Variants in FREM1 observed in about 807,000 individuals in gnomAD.
The protein encoded by FREM1 is FRAS1-related extracellular matrix protein 1.
FREM1 carries 220 observed loss-of-function variants against 210.1 expected under a neutral mutation model. The ratio of observed to expected loss-of-function variants is 1.05; its 90% CI spans 0.94 to 1.17. FREM1 has a LOEUF of 1.17. Ranked by LOEUF, FREM1 falls within the 50% of genes most tolerant of loss-of-function variation. The pLI, the probability that FREM1 is intolerant of heterozygous loss-of-function variation, is 0.00. For missense variants in FREM1, 3,454 were observed against 2,675.5 expected (o/e 1.29, Z -6.42); for synonymous variants, 1,189 against 980.2 (o/e 1.21, Z -3.98).
chr9:14,763,960 C>G (rs971042635), intron 27 of FREM1, among the ~76,000 whole-genome samples: 1 of 152,240 alleles, frequency 6.6e-6, no homozygotes, highest in Non-Finnish European at 1.5e-5. Flanking sequence ...CTAAGTTGAC[C>G]ATTGATATGG....
intron 29 of FREM1, among the ~76,000 whole-genome samples, chr9:14,752,361 C>T (rs147080315): frequency 1.1e-3 from 162 of 152,144 alleles, no homozygotes; most frequent in African/African-American, 3.6e-3. Context: ...GGTCTTGACT[C>T]GGGAAGGGTG....
intron 23 of FREM1, among the ~76,000 whole-genome samples, chr9:14,788,663 T>C (rs939801171): frequency 6.6e-6 from 1 of 152,190 alleles, no homozygotes; most frequent in Non-Finnish European, 1.5e-5. Context: ...TGTATAGCCA[T>C]ATTGTGTGCA....
At chr9:14,902,106 G>A (rs765612425) in intron 1 of FREM1, among the ~76,000 whole-genome samples, 12 of 151,522 alleles carry the variant, frequency 7.9e-5, no homozygotes, top group African/African-American at 1.2e-4. Flanking sequence ...TTGGCCTCCC[G>A]AAGTGCTAGG....
Position 14,837,477 on chromosome 9 carries a change from A to T in FREM1, c.1881+3970T>A, listed in dbSNP as rs113904439. Among the ~76,000 whole-genome samples, 796 of 152,064 alleles carry T rather than the reference A, an allele frequency of 5.2e-3. 7 individuals are homozygous for T. Among genetic ancestry groups the T allele is most frequent in the South Asian group, 0.028 (132 of 4,792 alleles). On this transcript the variant is annotated intron_variant, in intron 10 of 36. Coordinates refer to ENST00000380880, the MANE Select transcript of FREM1 (RefSeq NM_001379081.2). Reference sequence around the variant, plus strand: ...CACACACATACACATACACACACACACACACAAATGTGCCCACTAAGAATT... The same window carrying T: ...CACACACATACACATACACACACACTCACACAAATGTGCCCACTAAGAATT...
chr9:14,851,570 C>T lies in FREM1; in HGVS notation c.866G>A (p.Gly289Glu), dbSNP rs763516184. 17 of 1,613,908 alleles carry T rather than the reference C, an allele frequency of 1.1e-5. No homozygotes were observed. Among genetic ancestry groups the T allele is most frequent in the Non-Finnish European group, 1.4e-5 (17 of 1,179,824 alleles). ...SAWLPVYIRAGIPNQIPKAAF... is the reference protein window; with the variant it reads ...SAWLPVYIRAEIPNQIPKAAF... ...AGCCTTTGGAATCTGATTCGGAATT[C>T]CAGCTCTGATATAGACAGGCAGCCA... Residue 289 changes from glycine to glutamate, a missense_variant, in exon 6 of 37, where the codon GGA becomes GAA. By Grantham distance (98) the Gly-to-Glu change is moderately conservative (BLOSUM62 -2). Coordinates refer to ENST00000380880, the MANE Select transcript of FREM1 (RefSeq NM_001379081.2).
chr9:14,817,701 G>A (rs1057320331), intron 14 of FREM1, among the ~76,000 whole-genome samples: 15 of 152,214 alleles, frequency 9.9e-5, no homozygotes, highest in African/African-American at 3.6e-4. Flanking sequence ...TAACTATGGG[G>A]AAAAAGTCAG....
At chr9:14,782,563 A>G (rs890435955) in intron 24 of FREM1, among the ~76,000 whole-genome samples, 1 of 152,210 alleles carries the variant, frequency 6.6e-6, no homozygotes, top group Non-Finnish European at 1.5e-5. Context: ...ATACAAATGT[A>G]TTAAGCCAAG....
At chr9:14,843,845 A>C (rs1826129566) in intron 8 of FREM1, among the ~76,000 whole-genome samples, 1 of 152,190 alleles carries the variant, frequency 6.6e-6, no homozygotes, top group Non-Finnish European at 1.5e-5. Flanking sequence ...CAGTGTTATC[A>C]AGCCTATTTG....
intron 24 of FREM1, among the ~76,000 whole-genome samples, chr9:14,776,707 G>A (rs545807944): frequency 1.1e-4 from 16 of 152,246 alleles, no homozygotes; most frequent in African/African-American, 3.1e-4. Flanking sequence ...CTACTCATAC[G>A]TTTTTATGGT....
chr9:14,827,697 A>C (rs2130895861), intron 10 of FREM1, among the ~76,000 whole-genome samples: 1 of 152,364 alleles, frequency 6.6e-6, no homozygotes, highest in African/African-American at 2.4e-5. Context: ...ATGACCCTGA[A>C]GGTATTTTAG....
intron 35 of FREM1, among the ~76,000 whole-genome samples, chr9:14,742,733 A>G (rs1341600488): frequency 6.6e-6 from 1 of 152,198 alleles, no homozygotes; most frequent in Non-Finnish European, 1.5e-5. Context: ...CTTAGGATCC[A>G]TAATTTAATA....
At chr9:14,789,656 ATCAC>A (rs1850974410) in intron 22 of FREM1, among the ~76,000 whole-genome samples, 1 of 152,234 alleles carries the variant, frequency 6.6e-6, no homozygotes. Flanking sequence ...GGGGATCACT[ATCAC>A]TACCTACATT....
Position 14,807,927 on chromosome 9 carries a change from A to T in FREM1, c.3088+13T>A. On this transcript the variant is annotated intron_variant, in intron 17 of 36. Coordinates refer to ENST00000380880, the MANE Select transcript of FREM1 (RefSeq NM_001379081.2). Reference sequence around the variant, plus strand: ...TCAGACAATAGTACTGGAACAAAAAAACACATTGTCACCTATTGCAATGGA... The same window carrying T: ...TCAGACAATAGTACTGGAACAAAAATACACATTGTCACCTATTGCAATGGA... The T allele has an allele frequency of 6.3e-7, 1 of 1,599,180 alleles. No individual in the cohort carries two copies. The highest frequency in any genetic ancestry group is 8.6e-7 in the Non-Finnish European group (1 of 1,167,428).
chr9:14,825,856 C>G (rs548053459), intron 10 of FREM1, among the ~76,000 whole-genome samples: 1 of 152,164 alleles, frequency 6.6e-6, no homozygotes, highest in African/African-American at 2.4e-5. Flanking sequence ...CCCATTGCTA[C>G]TGGCCTACCT....
At chr9:14,899,642 A>G (rs1168189458) in intron 1 of FREM1, among the ~76,000 whole-genome samples, 1 of 152,250 alleles carries the variant, frequency 6.6e-6, no homozygotes, top group Non-Finnish European at 1.5e-5. Flanking sequence ...AGTATGGAAC[A>G]CACAAGCAGT....
At chr9:14,832,344 T>C (rs9792612) in intron 10 of FREM1, among the ~76,000 whole-genome samples, 109,434 of 151,776 alleles carry the variant, frequency 0.72, 39,671 homozygotes, top group Middle Eastern at 0.78. Context: ...ACTTAGGTAT[T>C]TGACCGTACA....
intron 24 of FREM1, among the ~76,000 whole-genome samples, chr9:14,780,017 G>A (rs1196755627): frequency 6.6e-6 from 1 of 152,098 alleles, no homozygotes; most frequent in African/African-American, 2.4e-5. Flanking sequence ...CGTGAAAAAA[G>A]GTCAGTGCTG....
chr9:14,824,354 G>T (rs1458413442), intron 11 of FREM1, among the ~76,000 whole-genome samples: 1 of 152,142 alleles, frequency 6.6e-6, no homozygotes, highest in Non-Finnish European at 1.5e-5. Context: ...TAAGGGAATT[G>T]TTACACTCAT....
intron 30 of FREM1, among the ~76,000 whole-genome samples, chr9:14,749,713 A>G (rs563635845): frequency 6.6e-6 from 1 of 152,162 alleles, no homozygotes; most frequent in Non-Finnish European, 1.5e-5. Flanking sequence ...TTTTTCTCCA[A>G]TTCCTTCCTC....
Sources: allele counts gnomAD v4.1 joint callset (sites outside exome capture counted in the v4.1 genomes callset), GRCh38; gene constraint gnomAD v4.1.1; transcripts MANE v1.5; gene names NCBI Gene and HGNC (gene_info 2026-07-23, HGNC 2026-07-21).